INPP5F: variants seen among roughly 807,000 people sequenced by gnomAD.
INPP5F encodes phosphatidylinositide 4-phosphatase SAC2.
Under a neutral mutation model 137.2 loss-of-function variants are expected in INPP5F, and 97 were observed. That is an observed-to-expected ratio of 0.71 (90% CI 0.60 to 0.84). The LOEUF (loss-of-function observed/expected upper bound fraction) is 0.84, where lower values mean the gene tolerates loss of function less well. INPP5F is among the 40% of genes least tolerant of loss of function. The pLI, the probability that INPP5F is intolerant of heterozygous loss-of-function variation, is 0.00. For synonymous variants in INPP5F, 504 were observed against 476.9 expected (o/e 1.06, Z -0.74); for missense variants, 1,271 against 1,371.9 (o/e 0.93, Z 1.16).
At position 119,748,886 on chromosome 10, in the gene INPP5F, C is replaced by T. The variant is rs986647500; in HGVS notation, c.98-2190C>T. The stretch of plus-strand genomic sequence containing the variant: ...TGATCTGCCCCTTTCTGGACAGGAA[C>T]CTGTGTCTGTCTCCCTCCACTGCCC... On this transcript the variant is annotated intron_variant, in intron 1 of 19. Coordinates refer to ENST00000650623, the MANE Select transcript of INPP5F (RefSeq NM_014937.4). The surrounding 1 kb of genome is among the most constrained non-coding windows in gnomAD (Gnocchi z 4.7). 2.6e-5 allele frequency among the ~76,000 whole-genome samples: 4 copies of T among 152,190 alleles called. No homozygotes were observed. The highest frequency in any genetic ancestry group is 9.6e-5 in the African/African-American group (4 of 41,454).
rs1230062651 is a variant in INPP5F at position 119,827,087 on chromosome 10, C to T, written c.2706C>T (p.Gly902=). The T allele has an allele frequency of 6.2e-7, 1 of 1,614,170 alleles. No individual in the cohort carries two copies. The highest frequency in any genetic ancestry group is 2.2e-5 in the East Asian group (1 of 44,894). The part of the protein sequence containing the change: ...CGIIASAPRL[G]SRSQSLSSTD... The stretch of plus-strand genomic sequence containing the variant: ...TTATTGCCTCAGCGCCTCGATTGGG[C>T]AGTCGGTCCCAGTCTCTTAGCAGCA... Residue 902 remains glycine, a synonymous_variant, in exon 20 of 20, where the codon GGC becomes GGT. Transcript: ENST00000650623.
rs1323819397 is a variant in INPP5F, at chr10:119,823,200, G to A, written c.2161+1G>A. On this transcript the variant is annotated splice_donor_variant, in intron 18 of 19. Transcript: ENST00000650623. LOFTEE classifies it high-confidence loss of function. ...CGTAATCCTGAAGAGGATGGAAAAG[G>A]TAAAAAGAGGAAGAGATGAAAGTAT... The A allele has an allele frequency of 1.2e-6, 2 of 1,610,396 alleles. No individual in the cohort carries two copies. Among genetic ancestry groups the A allele is most frequent in the African/African-American group, 1.3e-5 (1 of 74,736 alleles).
At chr10:119,753,948 C>T (rs1421687589) in intron 2 of INPP5F, among the ~76,000 whole-genome samples, 2 of 152,198 alleles carry the variant, frequency 1.3e-5, no homozygotes. Context: ...CTCTGACAAA[C>T]TGCCTCTCCC....
chr10:119,805,444 T>C lies in INPP5F; in HGVS notation c.1302T>C (p.Leu434=). 6.2e-7 allele frequency: 1 copy of C among 1,609,760 alleles called. No individual in the cohort carries two copies. The highest frequency in any genetic ancestry group is 8.5e-7 in the Non-Finnish European group (1 of 1,176,120). Residue 434 remains leucine, a synonymous_variant, in exon 11 of 20, where the codon CTT becomes CTC. Transcript: ENST00000650623. ...CAGATGCCATTTATGACATTATTCT[T>C]GATATGAAGTGGTGTTGGTAAGTAT... ...TLTDAIYDII[L]DMKWCWVDEA...
intron 1 of INPP5F, among the ~76,000 whole-genome samples, chr10:119,747,233 T>G (rs1848561447): frequency 6.6e-6 from 1 of 152,160 alleles, no homozygotes; most frequent in Non-Finnish European, 1.5e-5. Context: ...TTATTAATTT[T>G]TTTTTTTTGA....
intron 3 of INPP5F, among the ~76,000 whole-genome samples, chr10:119,791,214 C>T (rs1850130885): frequency 6.6e-6 from 1 of 152,228 alleles, no homozygotes; most frequent in South Asian, 2.1e-4. Context: ...TTAATAACCT[C>T]AGCCGGAACA....
chr10:119,750,339 G>A (rs1589675997), intron 1 of INPP5F, among the ~76,000 whole-genome samples: 3 of 152,038 alleles, frequency 2.0e-5, no homozygotes, highest in Admixed American at 6.6e-5. Context: ...TTATTACCAC[G>A]TATATAACCT....
intron 10 of INPP5F, 89 bp downstream of exon 10, chr10:119,804,386 G>A: frequency 9.0e-7 from 1 of 1,110,866 alleles, no homozygotes; most frequent in Non-Finnish European, 1.2e-6. Context: ...TTCTTTGCTG[G>A]GAATAAAAAT....
chr10:119,807,244 G>A (rs1379200227), intron 12 of INPP5F, among the ~76,000 whole-genome samples: 1 of 152,126 alleles, frequency 6.6e-6, no homozygotes, highest in East Asian at 1.9e-4. Context: ...CTGCACTCTA[G>A]CTTGGGAGAT....
At chr10:119,765,232 C>T (rs1364385309) in intron 2 of INPP5F, among the ~76,000 whole-genome samples, 1 of 152,156 alleles carries the variant, frequency 6.6e-6, no homozygotes, top group Non-Finnish European at 1.5e-5. Flanking sequence ...CCGTGCCCAG[C>T]CTAGCTTACT....
chr10:119,761,079 TA>T (rs1265073165), intron 2 of INPP5F, among the ~76,000 whole-genome samples: 2 of 152,248 alleles, frequency 1.3e-5, no homozygotes, highest in Non-Finnish European at 2.9e-5. Flanking sequence ...CAAGAGTTTA[TA>T]TTTTTTTAGA....
At chr10:119,810,023 G>T in intron 13 of INPP5F, 77 bp from the exon 14 acceptor site, 1 of 816,752 alleles carries the variant, frequency 1.2e-6, no homozygotes, top group South Asian at 1.5e-5. Context: ...TTCTAGACTT[G>T]AACTGAAAGC....
At chr10:119,766,793 GTC>G (rs1056575921) in intron 2 of INPP5F, among the ~76,000 whole-genome samples, 1 of 152,070 alleles carries the variant, frequency 6.6e-6, no homozygotes, top group African/African-American at 2.4e-5. Flanking sequence ...GTCACCAACA[GTC>G]TCTGCATTAA....
chr10:119,759,256 A>G (rs1848940468), intron 2 of INPP5F, among the ~76,000 whole-genome samples: 1 of 152,242 alleles, frequency 6.6e-6, no homozygotes, highest in Non-Finnish European at 1.5e-5. Context: ...CCTGGGCTCA[A>G]GCAGTCTACC....
intron 3 of INPP5F, among the ~76,000 whole-genome samples, chr10:119,789,686 T>G (rs1850067135): frequency 6.6e-6 from 1 of 151,124 alleles, no homozygotes; most frequent in South Asian, 2.1e-4. Flanking sequence ...GAGGCTGGAG[T>G]TTTGGGAGAG....
chr10:119,795,899 A>T (rs1850360321), intron 6 of INPP5F, among the ~76,000 whole-genome samples: 1 of 152,212 alleles, frequency 6.6e-6, no homozygotes, highest in South Asian at 2.1e-4. Context: ...AACACGGGGA[A>T]ACCCCGTCTC....
At chr10:119,821,000 A>T in intron 16 of INPP5F, 83 bp downstream of exon 16, 1 of 845,086 alleles carries the variant, frequency 1.2e-6, no homozygotes, top group Non-Finnish European at 2.0e-6. Flanking sequence ...TAACAAAAAA[A>T]TGTGAGAATA....
At chr10:119,817,914 CCTCA>C (rs1250258250) in intron 15 of INPP5F, among the ~76,000 whole-genome samples, 2 of 152,196 alleles carry the variant, frequency 1.3e-5, no homozygotes, top group African/African-American at 4.8e-5. Flanking sequence ...GAGACCAGTA[CCTCA>C]CTCACCTCAC....
At chr10:119,823,478 T>C (rs1851641120) in intron 18 of INPP5F, among the ~76,000 whole-genome samples, 1 of 152,236 alleles carries the variant, frequency 6.6e-6, no homozygotes, top group Non-Finnish European at 1.5e-5. Flanking sequence ...GCTCTTCACA[T>C]GTCATGTTCT....
Sources: gnomAD v4.1 joint callset for allele counts (sites outside exome capture counted in the v4.1 genomes callset) on GRCh38, gnomAD v4.1.1 for gene constraint, Gnocchi (gnomAD v3.1) non-coding constraint, MANE v1.5 for transcripts, NCBI Gene and HGNC (gene_info 2026-07-23, HGNC 2026-07-21) for gene names.